The following RORA variants were observed in gnomAD, a reference collection of about 807,000 sequenced individuals.
The protein encoded by RORA is RAR related orphan receptor A, also known as nuclear receptor ROR-alpha.
Under a neutral mutation model 69.5 loss-of-function variants are expected in RORA, and 7 were observed. The observed-to-expected ratio is 0.10, with a 90% CI of 0.06 to 0.19. The LOEUF is 0.19. RORA is among the 10% of genes least tolerant of loss of function. RORA has a pLI of 1.00. For missense variants in RORA, 457 were observed against 663.0 expected, an observed-to-expected ratio of 0.69 and a Z score of 3.41; for synonymous variants, 261 against 240.8, an observed-to-expected ratio of 1.08 and a Z score of -0.78.
At chr15:61,064,972 C>G (rs1345551329) in intron 1 of RORA, among the ~76,000 whole-genome samples, 1 of 152,182 alleles carries the variant, frequency 6.6e-6, no homozygotes, top group Non-Finnish European at 1.5e-5. Flanking sequence ...ACATCAATCA[C>G]TAAGTGTTCC....
chr15:60,824,423 C>T (rs1043244701), intron 1 of RORA, among the ~76,000 whole-genome samples: 4 of 150,562 alleles, frequency 2.7e-5, no homozygotes, highest in Non-Finnish European at 5.9e-5. Context: ...ACAACTGGCT[C>T]TTTTCATAGA....
chr15:60,663,554 C>T (rs2070335171), intron 2 of RORA, among the ~76,000 whole-genome samples: 1 of 152,230 alleles, frequency 6.6e-6, no homozygotes, highest in Admixed American at 6.5e-5. Flanking sequence ...CTCCCAGGTT[C>T]GAGTGATTAT....
chr15:61,064,687 T>C (rs2078233296), intron 1 of RORA, among the ~76,000 whole-genome samples: 1 of 152,142 alleles, frequency 6.6e-6, no homozygotes, highest in Admixed American at 6.5e-5. Context: ...GTGGAGACAA[T>C]GCAGATGGTT....
intron 1 of RORA, among the ~76,000 whole-genome samples, chr15:61,089,208 T>C (rs547646146): frequency 5.3e-5 from 8 of 152,250 alleles, no homozygotes; most frequent in Non-Finnish European, 1.0e-4. Context: ...CAGTTTCTCT[T>C]AGAGATAATA....
intron 1 of RORA, among the ~76,000 whole-genome samples, chr15:60,940,608 T>C (rs775130620): frequency 1.3e-5 from 2 of 152,172 alleles, no homozygotes; most frequent in Non-Finnish European, 2.9e-5. Context: ...ATAACCAAAA[T>C]TCATCTAACT....
chr15:60,666,614 G>C lies in RORA; in HGVS notation c.196+12043C>G, dbSNP rs150658576. Among the ~76,000 whole-genome samples the C allele has an allele frequency of 4.1e-3, 617 of 152,286 alleles. 1 individual carries two copies. The highest frequency in any genetic ancestry group is 6.1e-3 in the Non-Finnish European group (413 of 68,020). On this transcript the variant is annotated intron_variant, in intron 2 of 10. Coordinates refer to ENST00000335670, the MANE Select transcript of RORA (RefSeq NM_134261.3). ...AATTAACAAGGTGGAATTGGAGAAG[G>C]CTTTGCACGGCAGATGCTACTTGTG...
chr15:61,028,055 A>C (rs1396587751), intron 1 of RORA, among the ~76,000 whole-genome samples: 3 of 152,110 alleles, frequency 2.0e-5, no homozygotes, highest in African/African-American at 7.2e-5. Flanking sequence ...TTTTTTCCCC[A>C]AATACTGACA....
intron 2 of RORA, among the ~76,000 whole-genome samples, chr15:60,576,934 A>C (rs1228201462): frequency 6.6e-6 from 1 of 152,260 alleles, no homozygotes; most frequent in Non-Finnish European, 1.5e-5. Context: ...AAAGAAAAAC[A>C]GCCATCATTT....
At chr15:61,004,126 A>T (rs1448662947) in intron 1 of RORA, among the ~76,000 whole-genome samples, 5 of 152,046 alleles carry the variant, frequency 3.3e-5, no homozygotes, top group Non-Finnish European at 5.9e-5. Flanking sequence ...GGAGGTTTCA[A>T]CTCTTGAAAT....
At chr15:61,209,442 A>G (rs2079971050) in intron 1 of RORA, among the ~76,000 whole-genome samples, 1 of 152,214 alleles carries the variant, frequency 6.6e-6, no homozygotes, top group Admixed American at 6.5e-5. Context: ...ACAAATGACA[A>G]AGCTAAAAAA....
chr15:60,578,045 C>T (rs576618637), intron 2 of RORA, among the ~76,000 whole-genome samples: 50 of 152,270 alleles, frequency 3.3e-4, no homozygotes, highest in African/African-American at 1.0e-3. Context: ...TTTGGATATT[C>T]TTCTGTGGTA....
chr15:60,878,409 C>T (rs1382953893), intron 1 of RORA, among the ~76,000 whole-genome samples: 1 of 151,502 alleles, frequency 6.6e-6, no homozygotes, highest in Admixed American at 6.6e-5. Context: ...ACTTTCTCCT[C>T]ACCAGCCTCA....
chr15:61,118,463 A>G (rs1008842413), intron 1 of RORA, among the ~76,000 whole-genome samples: 3 of 152,248 alleles, frequency 2.0e-5, no homozygotes, highest in Non-Finnish European at 4.4e-5. Flanking sequence ...ATGATTTGGA[A>G]GAGGGTTTTA....
At chr15:60,890,917 G>A (rs1458570713) in intron 1 of RORA, among the ~76,000 whole-genome samples, 1 of 152,184 alleles carries the variant, frequency 6.6e-6, no homozygotes, top group Non-Finnish European at 1.5e-5. Context: ...GCCCAATAGT[G>A]GGACGAGAAA....
intron 1 of RORA, among the ~76,000 whole-genome samples, chr15:61,071,665 GGGGA>G: frequency 1.4e-5 from 1 of 71,524 alleles, no homozygotes; most frequent in Non-Finnish European, 2.8e-5. Context: ...GGGGAGGGGT[GGGGA>G]GGGGAGAGGG....
chr15:60,959,499 T>C lies in RORA; in HGVS notation c.166+269554A>G, dbSNP rs75326916. Reference sequence around the variant, plus strand: ...TGAAACACACAAATGTTGAAAGATGTTTCCAGGAGCCTTAAAATAAAAGGG... The same window carrying C: ...TGAAACACACAAATGTTGAAAGATGCTTCCAGGAGCCTTAAAATAAAAGGG... On this transcript the variant is annotated intron_variant, in intron 1 of 10. Transcript: ENST00000335670. 3.6e-3 allele frequency among the ~76,000 whole-genome samples: 545 copies of C among 152,302 alleles called. 5 individuals are homozygous for C. The highest frequency in any genetic ancestry group is 0.013 in the African/African-American group (523 of 41,570).
intron 1 of RORA, among the ~76,000 whole-genome samples, chr15:61,152,030 T>G (rs2079402406): frequency 6.6e-6 from 1 of 152,168 alleles, no homozygotes; most frequent in Non-Finnish European, 1.5e-5. Context: ...TGGGAAAAAT[T>G]CCAGTGCGAT....
chr15:60,967,235 A>G (rs958014197), intron 1 of RORA, among the ~76,000 whole-genome samples: 1 of 152,240 alleles, frequency 6.6e-6, no homozygotes, highest in African/African-American at 2.4e-5. Flanking sequence ...ATACATCGGC[A>G]TATATATTTA....
chr15:60,909,092 T>C (rs1891627074), intron 1 of RORA, among the ~76,000 whole-genome samples: 1 of 152,152 alleles, frequency 6.6e-6, no homozygotes, highest in African/African-American at 2.4e-5. Flanking sequence ...ACCTGAACCC[T>C]GGACAGCTCC....
Sources: gnomAD v4.1 joint callset for allele counts (sites outside exome capture counted in the v4.1 genomes callset) on GRCh38, gnomAD v4.1.1 for gene constraint, MANE v1.5 for transcripts, NCBI Gene and HGNC (gene_info 2026-07-23, HGNC 2026-07-21) for gene names.